AMOTL1: variants seen among roughly 807,000 people sequenced by gnomAD.
AMOTL1 encodes the protein angiomotin-like protein 1.
AMOTL1 carries 45 observed loss-of-function variants against 102.9 expected under a neutral mutation model. That is an observed-to-expected ratio of 0.44 (90% CI 0.34 to 0.56). AMOTL1 has a LOEUF of 0.56. Among genes scored for constraint, AMOTL1 ranks in the 20% least tolerant of loss-of-function variants. The pLI, the probability that AMOTL1 is intolerant of heterozygous loss-of-function variation, is 0.01. For missense variants in AMOTL1, 1,114 were observed against 1,225.6 expected (o/e 0.91, Z 1.36); for synonymous variants, 481 against 484.7 (o/e 0.99, Z 0.10).
Position 94,800,232 on chromosome 11 carries a change from C to A in AMOTL1, c.1042C>A (p.Pro348Thr), listed in dbSNP as rs765771583. The change falls in exon 3 of 13, where the codon CCC (proline) becomes ACC (threonine). Residue 348 changes from proline to threonine, a missense_variant. Coordinates refer to ENST00000433060, the MANE Select transcript of AMOTL1 (RefSeq NM_130847.3). The stretch of plus-strand genomic sequence containing the variant: ...CGGGATGCTCCACGAGATGGTCAAG[C>A]CCTACCCTGCTCCTCAGCCTGTGAG... ...HPGMLHEMVK[P>T]YPAPQPVRTD... The A allele has an allele frequency of 1.5e-5, 25 of 1,613,846 alleles. No homozygotes were observed. In the African/African-American group the frequency reaches 2.5e-4, roughly 16 times the overall value.
At chr11:94,768,772 C>G (rs538839970) in intron 1 of AMOTL1, among the ~76,000 whole-genome samples, 3 of 152,084 alleles carry the variant, frequency 2.0e-5, no homozygotes, top group Non-Finnish European at 4.4e-5. Flanking sequence ...AGCGTCTTGC[C>G]GCCCCGCGAC....
chr11:94,814,481 G>T lies in AMOTL1; in HGVS notation c.1122-7049G>T, dbSNP rs138685283. Among the ~76,000 whole-genome samples, 633 of 152,350 alleles carry T rather than the reference G, an allele frequency of 4.2e-3. 12 individuals are homozygous for T. The highest frequency in any genetic ancestry group is 0.035 in the South Asian group (169 of 4,832). ...CCAGCTGGGGTGAGTGAGCTCAAAGGTCTGTACAAGCAGATCTGAGCTTAG... is the reference window on the plus strand; with the variant it reads ...CCAGCTGGGGTGAGTGAGCTCAAAGTTCTGTACAAGCAGATCTGAGCTTAG... On this transcript the variant is annotated intron_variant, in intron 3 of 12. Coordinates refer to ENST00000433060, the MANE Select transcript of AMOTL1 (RefSeq NM_130847.3).
intron 3 of AMOTL1, among the ~76,000 whole-genome samples, chr11:94,807,415 A>G (rs1951584736): frequency 6.6e-6 from 1 of 152,160 alleles, no homozygotes; most frequent in African/African-American, 2.4e-5. Flanking sequence ...TAAAATAACA[A>G]TGCTGATTTT....
At chr11:94,782,879 A>T (rs964888278) in intron 1 of AMOTL1, among the ~76,000 whole-genome samples, 3 of 152,248 alleles carry the variant, frequency 2.0e-5, no homozygotes, top group Non-Finnish European at 4.4e-5. Flanking sequence ...GCAAAATTAT[A>T]AAAAAATTCT....
rs767202450 is a variant in AMOTL1, at chr11:94,872,240, A to T, written c.*1445A>T. 9 of 152,090 alleles carry T rather than the reference A, an allele frequency of 5.9e-5. No individual in the cohort carries two copies. Among genetic ancestry groups the T allele is most frequent in the African/African-American group, 1.9e-4 (8 of 41,392 alleles). The allele number at this position is 152,090 out of a possible 1,614,324, so 9.4% of individuals were successfully genotyped here. On this transcript the variant is annotated 3_prime_UTR_variant, in exon 13 of 13. Transcript: ENST00000433060. ...AGCTCTGCAGACACTGGCTTCCTTT[A>T]CAAATCTAAGAGATGCTGGATTAGA... is the stretch of plus-strand genomic sequence containing the variant.
chr11:94,823,946 C>T (rs1206142572), intron 4 of AMOTL1, among the ~76,000 whole-genome samples: 2 of 151,852 alleles, frequency 1.3e-5, no homozygotes, highest in Non-Finnish European at 2.9e-5. Flanking sequence ...GTTTTGATCT[C>T]CTGACCTCGT....
chr11:94,808,965 C>CTTTTTT (rs199619372), intron 3 of AMOTL1, among the ~76,000 whole-genome samples: 208 of 111,850 alleles, frequency 1.9e-3, no homozygotes, highest in Non-Finnish European at 2.3e-3. Flanking sequence ...TTCTTTCTTT[C>CTTTTTT]TTTTTTTTTT....
In AMOTL1 at chr11:94,854,504, T is replaced by A. The variant is rs141973357; in HGVS notation, c.1944+422T>A. On this transcript the variant is annotated intron_variant, in intron 8 of 12. Coordinates refer to ENST00000433060, the MANE Select transcript of AMOTL1 (RefSeq NM_130847.3). ...CAGGTAGCTAGGGGAAAGTGCCCAG[T>A]GCAGTGGCTGGTGAGGAGACTAAGG... Among the ~76,000 whole-genome samples the A allele has an allele frequency of 6.6e-3, 1,006 of 152,220 alleles. 19 individuals carry two copies. The highest frequency in any genetic ancestry group is 0.023 in the African/African-American group (963 of 41,538).
At chr11:94,852,906 A>G (rs1461766246) in intron 7 of AMOTL1, among the ~76,000 whole-genome samples, 1 of 152,256 alleles carries the variant, frequency 6.6e-6, no homozygotes, top group Non-Finnish European at 1.5e-5. Flanking sequence ...AATGTAATTT[A>G]TGCTTATAGA....
chr11:94,724,673 G>T (rs1389745452), intron 1 of AMOTL1, among the ~76,000 whole-genome samples: 1 of 152,116 alleles, frequency 6.6e-6, no homozygotes, highest in African/African-American at 2.4e-5. Context: ...CTTGAAGAAA[G>T]ATACAATATT....
intron 2 of AMOTL1, 41 bp downstream of exon 2, chr11:94,795,201 G>C: frequency 6.2e-7 from 1 of 1,605,828 alleles, no homozygotes; most frequent in Non-Finnish European, 8.5e-7. Flanking sequence ...AAAGCAAAAT[G>C]ATCTTACGTT....
chr11:94,772,435 T>G (rs1027420631), intron 1 of AMOTL1, among the ~76,000 whole-genome samples: 2 of 152,198 alleles, frequency 1.3e-5, no homozygotes, highest in Non-Finnish European at 2.9e-5. Context: ...TATCTATAAT[T>G]TTATCATTTT....
chr11:94,809,253 G>A (rs912752066), intron 3 of AMOTL1, among the ~76,000 whole-genome samples: 2 of 152,080 alleles, frequency 1.3e-5, no homozygotes, highest in East Asian at 1.9e-4. Flanking sequence ...TTACAAGCAT[G>A]AGCCACTGCG....
chr11:94,727,635 C>T (rs565049777), intron 1 of AMOTL1, among the ~76,000 whole-genome samples: 4 of 152,222 alleles, frequency 2.6e-5, no homozygotes, highest in African/African-American at 9.6e-5. Context: ...GAGAAAGTAA[C>T]TGGTTTGCCC....
chr11:94,861,347 GT>G (rs1205261797), intron 9 of AMOTL1, among the ~76,000 whole-genome samples: 1 of 151,936 alleles, frequency 6.6e-6, no homozygotes, highest in Non-Finnish European at 1.5e-5. Flanking sequence ...TCAGCTTTTT[GT>G]TTTCTAAGCT....
intron 1 of AMOTL1, among the ~76,000 whole-genome samples, chr11:94,711,185 T>G (rs577773520): frequency 2.6e-5 from 4 of 152,266 alleles, no homozygotes; most frequent in Non-Finnish European, 4.4e-5. Context: ...TGAATTGATG[T>G]TTGACAGATC....
intron 3 of AMOTL1, among the ~76,000 whole-genome samples, chr11:94,811,712 A>G (rs571477916): frequency 6.6e-6 from 1 of 152,280 alleles, no homozygotes; most frequent in East Asian, 1.9e-4. Context: ...AACAACAACA[A>G]AACAGTTATG....
chr11:94,811,466 A>G (rs1951681484), intron 3 of AMOTL1, among the ~76,000 whole-genome samples: 1 of 152,072 alleles, frequency 6.6e-6, no homozygotes, highest in Non-Finnish European at 1.5e-5. Context: ...ACTGCACTCC[A>G]GCCTGGGCGA....
At chr11:94,768,656 C>T in intron 1 of AMOTL1, 96 bp downstream of exon 1, 2 of 1,525,770 alleles carry the variant, frequency 1.3e-6, no homozygotes, top group East Asian at 2.5e-5. Flanking sequence ...CTGCTGCTCA[C>T]GGAAGGGGGC....
Sources: gnomAD v4.1 joint callset for allele counts (sites outside exome capture counted in the v4.1 genomes callset) on GRCh38, gnomAD v4.1.1 for gene constraint, MANE v1.5 for transcripts, NCBI Gene and HGNC (gene_info 2026-07-23, HGNC 2026-07-21) for gene names.